FBXO40: variants seen among roughly 807,000 people sequenced by gnomAD.
FBXO40 encodes the protein F-box protein 40.
Under a neutral mutation model 49.9 loss-of-function variants are expected in FBXO40, and 50 were observed. The ratio of observed to expected loss-of-function variants is 1.00; its 90% confidence interval spans 0.80 to 1.27. FBXO40 has a LOEUF of 1.27. Among genes scored for constraint, FBXO40 ranks in the 50% most tolerant of loss-of-function variants. The probability of loss-of-function intolerance (pLI) is 0.00; values close to 1 mark genes in which losing one functional copy is unlikely to be tolerated. For synonymous variants in FBXO40, 340 were observed against 320.2 expected (o/e 1.06, Z -0.66); for missense variants, 895 against 870.1 (o/e 1.03, Z -0.36).
intron 1 of FBXO40, among the ~76,000 whole-genome samples, chr3:121,594,746 C>T (rs557368385): frequency 3.0e-4 from 45 of 152,182 alleles, no homozygotes; most frequent in Non-Finnish European, 6.0e-4. Flanking sequence ...GTCCAAAATG[C>T]ATCCATGAAA....
At chr3:121,599,668 ACACATG>A (rs1200020327) in intron 1 of FBXO40, among the ~76,000 whole-genome samples, 13 of 133,372 alleles carry the variant, frequency 9.7e-5, no homozygotes, top group African/African-American at 3.7e-4. Context: ...ACACACACAC[ACACATG>A]CACACACACA....
intron 1 of FBXO40, among the ~76,000 whole-genome samples, chr3:121,612,458 C>T (rs546957173): frequency 6.6e-6 from 1 of 152,200 alleles, no homozygotes; most frequent in African/African-American, 2.4e-5. Context: ...GACTTTGTTC[C>T]TCCGGAGCAC....
At chr3:121,615,604 A>T (rs7635790) in intron 1 of FBXO40, among the ~76,000 whole-genome samples, 32,413 of 150,542 alleles carry the variant, frequency 0.22, 4,062 homozygotes, top group Admixed American at 0.35. Flanking sequence ...AAGAAACTAT[A>T]AGGAAACTAT....
chr3:121,615,761 G>A (rs535014508), intron 1 of FBXO40, among the ~76,000 whole-genome samples: 3 of 152,170 alleles, frequency 2.0e-5, no homozygotes, highest in East Asian at 3.9e-4. Context: ...AGGACATCTG[G>A]GCACTCTGCA....
intron 1 of FBXO40, 23 bp downstream of exon 1, chr3:121,593,525 G>T (rs1023307532): frequency 6.6e-6 from 1 of 152,308 alleles, no homozygotes; most frequent in Non-Finnish European, 1.5e-5. Context: ...ACAGGAGCAG[G>T]TGCACCATGA....
In FBXO40 at chr3:121,599,724, A is replaced by T. The variant is rs866313782; in HGVS notation, c.-31+6222A>T. 3.3e-3 allele frequency among the ~76,000 whole-genome samples: 321 copies of T among 97,064 alleles called. 1 individual carries two copies. Among genetic ancestry groups the T allele is most frequent in the Middle Eastern group, 0.014 (2 of 148 alleles). The allele number at this position is 97,064 out of a possible 152,430, so 63.7% of individuals were successfully genotyped here. A position where few individuals can be genotyped will look rare whatever the true frequency, so the allele number is the denominator to read the frequency against. ...CACACACATATATATATATATATAT[A>T]TTTTTTTTTTTTTTTGGAGACGGAG... On this transcript the variant is annotated intron_variant, in intron 1 of 3. Transcript: ENST00000338040.
chr3:121,626,861 G>A lies in FBXO40; in HGVS notation c.2081G>A (p.Ser694Asn). ...MCQPREQARE[S>N]LVSTFRIRPR... ...CAGCCCCGTGAGCAGGCCCGAGAGAGCTTAGTCTCCACCTTTAGAATCAGA... is the reference window on the plus strand; with the variant it reads ...CAGCCCCGTGAGCAGGCCCGAGAGAACTTAGTCTCCACCTTTAGAATCAGA... Residue 694 changes from serine (S) to asparagine (N), a missense_variant, in exon 4 of 4, where the codon AGC (serine) becomes AAC (asparagine). By Grantham distance (46) the Ser-to-Asn change is conservative. Transcript: ENST00000338040. 6.2e-7 allele frequency: 1 copy of A among 1,614,124 alleles called. No individual in the cohort carries two copies. Among genetic ancestry groups the A allele is most frequent in the Non-Finnish European group, 8.5e-7 (1 of 1,180,026 alleles).
chr3:121,612,068 C>T (rs2048969167), intron 1 of FBXO40, among the ~76,000 whole-genome samples: 1 of 152,228 alleles, frequency 6.6e-6, no homozygotes, highest in African/African-American at 2.4e-5. Context: ...TACATAGACA[C>T]AGTAACAGTC....
At chr3:121,599,655 TACACACACACACACACATGCACACACAC>T (rs2048890683) in intron 1 of FBXO40, among the ~76,000 whole-genome samples, 1 of 127,686 alleles carries the variant, frequency 7.8e-6, no homozygotes, top group Non-Finnish European at 1.6e-5. Flanking sequence ...TTGTAGTGCA[TACACACACACACACACATGCACACACAC>T]ACACACACAC....
rs1179080886 is a variant in FBXO40, at chr3:121,622,473, C to A, written c.1044C>A (p.Tyr348Ter). ...KLEAQEVKTV[Y>*]TFKVPVSYCG... is the part of the protein sequence containing the mutation. ...AGGCTCAGGAAGTTAAGACTGTTTA[C>A]ACCTTCAAAGTTCCTGTGAGCTACT... Residue 348 changes from tyrosine to a stop codon, truncating the protein, a stop_gained, in exon 3 of 4, where the codon TAC becomes TAA. Coordinates refer to ENST00000338040, the MANE Select transcript of FBXO40 (RefSeq NM_016298.4). LOFTEE classifies it high-confidence loss of function. 1 of 1,614,090 alleles carries A rather than the reference C, an allele frequency of 6.2e-7. No individual in the cohort carries two copies. Among genetic ancestry groups the A allele is most frequent in the Non-Finnish European group, 8.5e-7 (1 of 1,180,046 alleles).
intron 1 of FBXO40, among the ~76,000 whole-genome samples, chr3:121,602,787 T>A (rs2048906725): frequency 6.6e-6 from 1 of 152,190 alleles, no homozygotes; most frequent in African/African-American, 2.4e-5. Flanking sequence ...ACTCTTTTTT[T>A]TTTTCCAAAA....
chr3:121,627,547 G>A lies in FBXO40; in HGVS notation c.*637G>A, dbSNP rs951561275. ...GGCCAAAACATGAGGGGCAGAAATG[G>A]GATCACAGAGTCTGTTGCTAGAATC... On this transcript the variant is annotated 3_prime_UTR_variant, in exon 4 of 4. Transcript: ENST00000338040. 2 of 269,178 alleles carry A rather than the reference G, an allele frequency of 7.4e-6. No homozygotes were observed. The highest frequency in any genetic ancestry group is 1.3e-4 in the East Asian group (2 of 15,276). 16.7% of individuals were successfully genotyped at this position (269,178 alleles called of 1,614,324 possible). A position where few individuals can be genotyped will look rare whatever the true frequency, so the allele number is the denominator to read the frequency against.
At chr3:121,614,628 T>C (rs2048987269) in intron 1 of FBXO40, among the ~76,000 whole-genome samples, 1 of 152,010 alleles carries the variant, frequency 6.6e-6, no homozygotes, top group Admixed American at 6.6e-5. Flanking sequence ...TAGGGCCAAA[T>C]CCGTTTTCCA....
At chr3:121,619,029 T>C (rs540247664) in intron 1 of FBXO40, among the ~76,000 whole-genome samples, 76 of 152,014 alleles carry the variant, frequency 5.0e-4, no homozygotes, top group African/African-American at 1.8e-3. Flanking sequence ...AGGGTCTTAC[T>C]CTCTCACCCA....
chr3:121,596,673 T>C (rs565434211), intron 1 of FBXO40, among the ~76,000 whole-genome samples: 87 of 152,314 alleles, frequency 5.7e-4, no homozygotes, highest in African/African-American at 1.9e-3. Flanking sequence ...CTGCAAACAA[T>C]CTGGCAGTGC....
chr3:121,596,533 T>G (rs9858923), intron 1 of FBXO40, among the ~76,000 whole-genome samples: 68,960 of 151,984 alleles, frequency 0.45, 16,376 homozygotes, highest in East Asian at 0.73. Context: ...TTTTAAAAAG[T>G]TTGCCCGGGT....
intron 1 of FBXO40, among the ~76,000 whole-genome samples, chr3:121,614,962 G>A (rs1334720510): frequency 6.6e-6 from 1 of 152,218 alleles, no homozygotes; most frequent in Non-Finnish European, 1.5e-5. Flanking sequence ...GCTTTCACCT[G>A]TAATCCCAGC....
chr3:121,624,601 G>C (rs2049051918), intron 3 of FBXO40, among the ~76,000 whole-genome samples: 1 of 152,122 alleles, frequency 6.6e-6, no homozygotes, highest in Non-Finnish European at 1.5e-5. Context: ...GCAGGAGATG[G>C]GAGGAAGGGA....
At chr3:121,598,800 G>A (rs1014236534) in intron 1 of FBXO40, among the ~76,000 whole-genome samples, 3 of 152,196 alleles carry the variant, frequency 2.0e-5, no homozygotes, top group African/African-American at 7.2e-5. Context: ...ACAGGCATGA[G>A]CCACTGAACT....
Sources: allele counts gnomAD v4.1 joint callset (sites outside exome capture counted in the v4.1 genomes callset), GRCh38; gene constraint gnomAD v4.1.1; transcripts MANE v1.5; gene names NCBI Gene and HGNC (gene_info 2026-07-23, HGNC 2026-07-21).